Variants in NWD2 observed in about 807,000 individuals in gnomAD.
The protein encoded by NWD2 is NACHT and WD repeat domain-containing protein 2.
NWD2 carries 37 observed loss-of-function variants against 132.7 expected under a neutral mutation model. That is an observed-to-expected ratio of 0.28 (90% CI 0.21 to 0.37). The LOEUF is 0.37. Among genes scored for constraint, NWD2 ranks in the 10% least tolerant of loss-of-function variants. The pLI is 1.00. For synonymous variants in NWD2, 705 were observed against 803.0 expected (o/e 0.88, Z 2.06); for missense variants, 1,592 against 2,122.4 (o/e 0.75, Z 4.91).
intron 1 of NWD2, among the ~76,000 whole-genome samples, chr4:37,313,385 A>G (rs1453991990): frequency 1.3e-5 from 2 of 150,708 alleles, no homozygotes; most frequent in Non-Finnish European, 2.9e-5. Context: ...GAATTTATCC[A>G]TTTCTTCTAG....
In NWD2 at chr4:37,445,582, A is replaced by C; in HGVS notation, c.3594A>C (p.Ser1198=). The C allele has an allele frequency of 6.4e-7, 1 of 1,552,280 alleles. No individual in the cohort carries two copies. Among genetic ancestry groups the C allele is most frequent in the Non-Finnish European group, 8.7e-7 (1 of 1,147,128 alleles). ...EDSEVVSIEL[S]EDQSAVLICK... ...GTGAGGTGGTCAGCATTGAGCTTTC[A>C]GAAGACCAAAGTGCAGTTCTGATCT... Residue 1198 remains serine (S), a synonymous_variant, in exon 7 of 7, where the codon TCA becomes TCC. Coordinates refer to ENST00000309447, the MANE Select transcript of NWD2 (RefSeq NM_001144990.2). The surrounding 1 kb of genome is among the most constrained non-coding windows in gnomAD (Gnocchi z 4.7).
At position 37,447,428 on chromosome 4, in the gene NWD2, GTAA is replaced by G; in HGVS notation, c.*214_*216del. The G allele has an allele frequency of 1.7e-6, 1 of 576,276 alleles. No homozygotes were observed. Among genetic ancestry groups the G allele is most frequent in the Non-Finnish European group, 3.1e-6 (1 of 325,216 alleles). 35.7% of individuals were successfully genotyped at this position (576,276 alleles called of 1,614,324 possible). A position where few individuals can be genotyped will look rare whatever the true frequency, so the allele number is the denominator to read the frequency against. On this transcript the variant is annotated 3_prime_UTR_variant, in exon 7 of 7. Coordinates refer to ENST00000309447, the MANE Select transcript of NWD2 (RefSeq NM_001144990.2). ...ATCCAGAATGTCAGAATTTCTAGTA[GTAA>G]TATTTAAATGGTTACTTCATCTGAA...
chr4:37,368,579 G>T (rs1720146031), intron 3 of NWD2, among the ~76,000 whole-genome samples: 1 of 152,172 alleles, frequency 6.6e-6, no homozygotes, highest in Non-Finnish European at 1.5e-5. Flanking sequence ...TTAGTTAGCT[G>T]CTATGGAAGC....
chr4:37,270,386 C>T (rs980193243), intron 1 of NWD2, among the ~76,000 whole-genome samples: 4 of 151,580 alleles, frequency 2.6e-5, no homozygotes, highest in Admixed American at 6.6e-5. Flanking sequence ...ATTCTCTATT[C>T]GAAAAAAGCA....
chr4:37,370,709 G>C (rs760083208), intron 3 of NWD2, among the ~76,000 whole-genome samples: 2 of 152,166 alleles, frequency 1.3e-5, no homozygotes, highest in African/African-American at 4.8e-5. Context: ...TATCAGATGA[G>C]ATACGCTTTT....
chr4:37,245,331 G>C (rs1717215083), intron 1 of NWD2, 113 bp downstream of exon 1: 1 of 1,281,042 alleles, frequency 7.8e-7, no homozygotes, highest in Non-Finnish European at 1.0e-6. Flanking sequence ...CCTTCCTCCA[G>C]CTAAAGCCGT....
chr4:37,302,082 T>G (rs1718622744), intron 1 of NWD2, among the ~76,000 whole-genome samples: 1 of 151,912 alleles, frequency 6.6e-6, no homozygotes, highest in Admixed American at 6.6e-5. Flanking sequence ...TGTAATTCCG[T>G]GTTTGTTAAC....
intron 1 of NWD2, among the ~76,000 whole-genome samples, chr4:37,282,589 A>G (rs1316690071): frequency 6.6e-6 from 1 of 152,206 alleles, no homozygotes; most frequent in Non-Finnish European, 1.5e-5. Context: ...CCACAGTTCC[A>G]TCACTCATAT....
chr4:37,288,847 C>T (rs1371920336), intron 1 of NWD2, among the ~76,000 whole-genome samples: 1 of 151,768 alleles, frequency 6.6e-6, no homozygotes, highest in Non-Finnish European at 1.5e-5. Flanking sequence ...CAACTGAACC[C>T]AAATCCTTTT....
intron 3 of NWD2, among the ~76,000 whole-genome samples, chr4:37,368,035 T>C (rs1446470599): frequency 6.6e-6 from 1 of 152,160 alleles, no homozygotes; most frequent in Non-Finnish European, 1.5e-5. Flanking sequence ...TGTTCCAGTT[T>C]TCTTGGTGGC....
intron 2 of NWD2, among the ~76,000 whole-genome samples, chr4:37,330,130 G>A (rs1719261678): frequency 6.6e-6 from 1 of 152,086 alleles, no homozygotes; most frequent in African/African-American, 2.4e-5. Context: ...TGTTTGGCAG[G>A]CTATTTTGTA....
intron 1 of NWD2, among the ~76,000 whole-genome samples, chr4:37,316,953 A>G (rs1395486652): frequency 2.6e-5 from 4 of 152,314 alleles, no homozygotes; most frequent in South Asian, 2.1e-4. Context: ...TGTGAAATCT[A>G]TTCCCCACAA....
chr4:37,429,174 G>A (rs921020462), intron 3 of NWD2, among the ~76,000 whole-genome samples: 1 of 152,046 alleles, frequency 6.6e-6, no homozygotes, highest in African/African-American at 2.4e-5. Context: ...CCCAAAGATA[G>A]CCCTTAATAA....
chr4:37,380,426 G>A (rs1316426903), intron 3 of NWD2, among the ~76,000 whole-genome samples: 2 of 152,054 alleles, frequency 1.3e-5, no homozygotes, highest in African/African-American at 4.8e-5. Flanking sequence ...GTGTGACCTT[G>A]GACAAATGTT....
intron 1 of NWD2, among the ~76,000 whole-genome samples, chr4:37,275,180 C>G (rs1182604607): frequency 4.6e-5 from 7 of 152,104 alleles, no homozygotes; most frequent in African/African-American, 1.7e-4. Flanking sequence ...TCTAGAAAAC[C>G]CCATCGTCTT....
At chr4:37,343,052 G>A (rs1464951825) in intron 2 of NWD2, among the ~76,000 whole-genome samples, 1 of 152,132 alleles carries the variant, frequency 6.6e-6, no homozygotes, top group African/African-American at 2.4e-5. Context: ...ATGAGGACCT[G>A]GGATTTTCCT....
rs1463543497 is a variant in NWD2 at position 37,445,087 on chromosome 4, G to C, written c.3099G>C (p.Leu1033Phe). 1.3e-6 allele frequency: 2 copies of C among 1,551,684 alleles called. No homozygotes were observed. The highest frequency in any genetic ancestry group is 3.9e-5 in the Admixed American group (2 of 50,972). Reference protein sequence around the residue: ...YLVVATTNNTLLIYDNVNSCL... With the variant: ...YLVVATTNNTFLIYDNVNSCL... ...TGGTGGCTACAACAAATAACACCTT[G>C]TTGATTTATGACAATGTCAATTCTT... Residue 1033 changes from leucine (L) to phenylalanine (F), a missense_variant, in exon 7 of 7, where the codon TTG becomes TTC. Leu to Phe is a conservative substitution (Grantham distance 22). Transcript: ENST00000309447. This position sits in a 1 kb window ranked among gnomAD's most constrained non-coding sequence, Gnocchi z 4.7.
At chr4:37,326,990 C>T (rs1719186034) in intron 2 of NWD2, among the ~76,000 whole-genome samples, 1 of 152,144 alleles carries the variant, frequency 6.6e-6, no homozygotes, top group Non-Finnish European at 1.5e-5. Flanking sequence ...TGATGACACA[C>T]ACATTGAATT....
intron 3 of NWD2, among the ~76,000 whole-genome samples, chr4:37,411,696 G>A (rs929470837): frequency 6.6e-6 from 1 of 151,964 alleles, no homozygotes; most frequent in African/African-American, 2.4e-5. Context: ...GAAAATTTAG[G>A]GCCAGTATCT....
Sources: gnomAD v4.1 joint callset for allele counts (sites outside exome capture counted in the v4.1 genomes callset) on GRCh38, gnomAD v4.1.1 for gene constraint, Gnocchi (gnomAD v3.1) non-coding constraint, MANE v1.5 for transcripts, NCBI Gene and HGNC (gene_info 2026-07-23, HGNC 2026-07-21) for gene names.